The following COL8A2 variants were observed in gnomAD, a reference collection of about 807,000 sequenced individuals.
The protein encoded by COL8A2 is collagen type VIII alpha 2 chain.
Under a neutral mutation model 24.0 loss-of-function variants are expected in COL8A2, and 16 were observed. The observed-to-expected ratio is 0.67, with a 90% CI of 0.45 to 1.01. The LOEUF (loss-of-function observed/expected upper bound fraction) is 1.01, where lower values mean the gene tolerates loss of function less well. Ranked by LOEUF, COL8A2 falls within the 50% of genes least tolerant of loss-of-function variation. The pLI, the probability that COL8A2 is intolerant of heterozygous loss-of-function variation, is 0.00. For synonymous variants in COL8A2, 466 were observed against 424.5 expected (o/e 1.10, Z -1.20); for missense variants, 818 against 942.4 (o/e 0.87, Z 1.73).
rs1292770267 is a variant in COL8A2, at chr1:36,095,720, A to G, written c.*1849T>C. 1 of 152,140 alleles carries G rather than the reference A, an allele frequency of 6.6e-6. No individual in the cohort carries two copies. Among genetic ancestry groups the G allele is most frequent in the African/African-American group, 2.4e-5 (1 of 41,410 alleles). 9.4% of individuals were successfully genotyped at this position (152,140 alleles called of 1,614,324 possible). A position where few individuals can be genotyped will look rare whatever the true frequency, so the allele number is the denominator to read the frequency against. On this transcript the variant is annotated 3_prime_UTR_variant, in exon 4 of 4. Coordinates refer to ENST00000397799, the MANE Select transcript of COL8A2 (RefSeq NM_005202.4). ...ATTGGGAGCTGATTAATTTCTGCCA[A>G]TCAGAACCCATCCCTAACACATCAG...
At position 36,099,213 on chromosome 1, in the gene COL8A2, T is replaced by C; in HGVS notation, c.468A>G (p.Gly156=). The C allele has an allele frequency of 6.5e-7, 1 of 1,530,200 alleles. No homozygotes were observed. Among genetic ancestry groups the C allele is most frequent in the South Asian group, 1.2e-5 (1 of 82,768 alleles). 94.8% of individuals were successfully genotyped at this position (1,530,200 alleles called of 1,614,324 possible). A position where few individuals can be genotyped will look rare whatever the true frequency, so the allele number is the denominator to read the frequency against. Residue 156 remains glycine, a synonymous_variant, in exon 4 of 4, where the codon GGA becomes GGG. Transcript: ENST00000397799. The stretch of plus-strand genomic sequence containing the variant: ...CCGGGAGGCCAGGGGGTCCTGGGGG[T>C]CCCCGGAGGCCCTGGTCCCCTCGTA... The part of the protein sequence containing the change: ...PGIRGDQGLR[G]PPGPPGLPGP...
rs138182427 is a variant in COL8A2 at position 36,100,172 on chromosome 1, G to A, written c.71C>T (p.Pro24Leu). ...LLLVLVLGCGPRASSGGGAGG... is the reference protein window; with the variant it reads ...LLLVLVLGCGLRASSGGGAGG... ...GGCCCCGCCACCAGAGGACGCCCGC[G>A]GCCCACACCCCAGCACCAGCACCAG... The change falls in exon 3 of 4, where the codon CCG becomes CTG. Residue 24 changes from proline (P) to leucine (L), a missense_variant. Physicochemically the swap from Pro to Leu is moderately conservative, Grantham distance 98. This residue lies in a region of COL8A2 where 573 missense variants were observed against 616.8 expected (regional missense o/e 0.93). Coordinates refer to ENST00000397799, the MANE Select transcript of COL8A2 (RefSeq NM_005202.4). 101 of 1,610,262 alleles carry A rather than the reference G, an allele frequency of 6.3e-5. No homozygotes were observed. The highest frequency in any genetic ancestry group is 3.3e-4 in the Middle Eastern group (2 of 6,066).
At chr1:36,100,300 T>C (rs1214692771) in intron 2 of COL8A2, 42 bp from the exon 3 acceptor site, 1 of 1,527,390 alleles carries the variant, frequency 6.5e-7, no homozygotes, top group African/African-American at 1.4e-5. Flanking sequence ...CAGCCCTGGG[T>C]GGTTTGGCAC....
In COL8A2 at chr1:36,098,597, G is replaced by C; in HGVS notation, c.1084C>G (p.Leu362Val). 2 of 1,610,868 alleles carry C rather than the reference G, an allele frequency of 1.2e-6. No homozygotes were observed. The highest frequency in any genetic ancestry group is 2.2e-5 in the South Asian group (2 of 90,830). Reference protein sequence around the residue: ...GPQGLGGPPGLPGSAGLPGRR... With the variant: ...GPQGLGGPPGVPGSAGLPGRR... ...CCAGGAAGCCCTGCAGACCCAGGAA[G>C]TCCAGGGGGACCCCCAAGACCCTGT... The change falls in exon 4 of 4, where the codon CTT becomes GTT. Residue 362 changes from leucine (L) to valine (V), a missense_variant. By Grantham distance (32) the Leu-to-Val change is conservative. This residue lies in a region of COL8A2 where 573 missense variants were observed against 616.8 expected (regional missense o/e 0.93). Transcript: ENST00000397799.
chr1:36,097,988 C>T lies in COL8A2; in HGVS notation c.1693G>A (p.Gly565Arg). ...VLGKGGKPQFGLGELSAHATP... is the reference protein window; with the variant it reads ...VLGKGGKPQFRLGELSAHATP... Reference sequence around the variant, plus strand: ...GCATGGGCAGACAGCTCGCCCAGCCCAAACTGTGGCTTGCCCCCCTTGCCC... The same window carrying T: ...GCATGGGCAGACAGCTCGCCCAGCCTAAACTGTGGCTTGCCCCCCTTGCCC... Residue 565 changes from glycine to arginine, a missense_variant, in exon 4 of 4, where the codon GGG becomes AGG. Physicochemically the swap from Gly to Arg is moderately radical, Grantham distance 125 (BLOSUM62 -2). Around this residue, in one of 3 missense-constraint regions of COL8A2, gnomAD observed 235 missense variants for 297.3 expected, o/e 0.79. Transcript: ENST00000397799. 2 of 1,604,380 alleles carry T rather than the reference C, an allele frequency of 1.2e-6. No individual in the cohort carries two copies. Among genetic ancestry groups the T allele is most frequent in the Non-Finnish European group, 1.7e-6 (2 of 1,178,112 alleles).
Position 36,098,369 on chromosome 1 carries a change from G to A in COL8A2, c.1312C>T (p.Pro438Ser). 6 of 1,552,984 alleles carry A rather than the reference G, an allele frequency of 3.9e-6. No homozygotes were observed. The highest frequency in any genetic ancestry group is 5.2e-6 in the Non-Finnish European group (6 of 1,148,606). Residue 438 changes from proline (P) to serine (S), a missense_variant, in exon 4 of 4, where the codon CCA becomes TCA. Around this residue, in one of 3 missense-constraint regions of COL8A2, gnomAD observed 573 missense variants for 616.8 expected, o/e 0.93. Coordinates refer to ENST00000397799, the MANE Select transcript of COL8A2 (RefSeq NM_005202.4). Reference protein sequence around the residue: ...EPGFTGRPGGPGVAGALGQKG... With the variant: ...EPGFTGRPGGSGVAGALGQKG... ...TGCCCCAGGGCTCCTGCCACCCCTGGTCCTCCAGGGCGACCCGTGAAACCC... is the reference window on the plus strand; with the variant it reads ...TGCCCCAGGGCTCCTGCCACCCCTGATCCTCCAGGGCGACCCGTGAAACCC...
intron 2 of COL8A2, among the ~76,000 whole-genome samples, chr1:36,114,177 G>T (rs2124101525): frequency 6.6e-6 from 1 of 152,152 alleles, no homozygotes; most frequent in East Asian, 1.9e-4. Flanking sequence ...AAATTAGCTG[G>T]GCGTGGTAGA....
At chr1:36,108,227 A>G (rs1643789036) in intron 2 of COL8A2, among the ~76,000 whole-genome samples, 1 of 152,206 alleles carries the variant, frequency 6.6e-6, no homozygotes, top group African/African-American at 2.4e-5. Flanking sequence ...TAGGACCTCA[A>G]CTAAGAACCA....
Position 36,099,449 on chromosome 1 carries a change from C to CTCCCT in COL8A2, c.227_231dup (p.Glu78ArgfsTer161). 1 of 1,544,462 alleles carries CTCCCT rather than the reference C, an allele frequency of 6.5e-7. No individual in the cohort carries two copies. The highest frequency in any genetic ancestry group is 8.7e-7 in the Non-Finnish European group (1 of 1,150,382). On this transcript the variant is annotated frameshift_variant, in exon 4 of 4. Transcript: ENST00000397799. LOFTEE classifies it low-confidence loss of function (END_TRUNC). ...CCGGGCTTCCCAGGGGGGCCGGGCT[C>CTCCCT]TCCCTTCAGGTCCATCGGCAGCAGC...
intron 2 of COL8A2, among the ~76,000 whole-genome samples, chr1:36,104,915 G>A (rs998735911): frequency 2.6e-5 from 4 of 152,254 alleles, no homozygotes; most frequent in East Asian, 1.9e-4. Context: ...CCCATTATTC[G>A]AAGGAGGTTC....
chr1:36,116,308 T>C (rs891330031), intron 1 of COL8A2, among the ~76,000 whole-genome samples: 1 of 152,174 alleles, frequency 6.6e-6, no homozygotes, highest in African/African-American at 2.4e-5. Flanking sequence ...TGCCTGGCCC[T>C]GGATTCAAGG....
chr1:36,095,492 T>C lies in COL8A2; in HGVS notation c.*2077A>G, dbSNP rs1557735414. On this transcript the variant is annotated 3_prime_UTR_variant, in exon 4 of 4. Coordinates refer to ENST00000397799, the MANE Select transcript of COL8A2 (RefSeq NM_005202.4). Reference sequence around the variant, plus strand: ...ATCAATATAAAAATGCACAAGGTAATGTCGTTTTCATAGTTAAAATCTGAC... The same window carrying C: ...ATCAATATAAAAATGCACAAGGTAACGTCGTTTTCATAGTTAAAATCTGAC... 1 of 152,164 alleles carries C rather than the reference T, an allele frequency of 6.6e-6. No homozygotes were observed. Among genetic ancestry groups the C allele is most frequent in the Non-Finnish European group, 1.5e-5 (1 of 68,030 alleles). 9.4% of individuals were successfully genotyped at this position (152,164 alleles called of 1,614,324 possible).
At chr1:36,107,172 C>T (rs892024421) in intron 2 of COL8A2, among the ~76,000 whole-genome samples, 23 of 152,092 alleles carry the variant, frequency 1.5e-4, no homozygotes, top group African/African-American at 5.1e-4. Flanking sequence ...CGGGAGGCTG[C>T]GACGGGAGGA....
chr1:36,109,861 G>A (rs1466813409), intron 2 of COL8A2, among the ~76,000 whole-genome samples: 2 of 150,938 alleles, frequency 1.3e-5, no homozygotes, highest in African/African-American at 4.9e-5. Flanking sequence ...TTCCCAAACT[G>A]TTGGGATTAC....
intron 1 of COL8A2, among the ~76,000 whole-genome samples, chr1:36,116,818 C>A (rs1643881835): frequency 6.6e-6 from 1 of 152,192 alleles, no homozygotes; most frequent in Admixed American, 6.5e-5. Context: ...GCTTGCATTT[C>A]TCTGGAGAGC....
chr1:36,095,655 G>A lies in COL8A2; in HGVS notation c.*1914C>T, dbSNP rs1326989227. The A allele has an allele frequency of 5.3e-5, 8 of 151,814 alleles. No homozygotes were observed. Among genetic ancestry groups the A allele is most frequent in the East Asian group, 1.9e-4 (1 of 5,186 alleles). 9.4% of individuals were successfully genotyped at this position (151,814 alleles called of 1,614,324 possible). A position where few individuals can be genotyped will look rare whatever the true frequency, so the allele number is the denominator to read the frequency against. ...AGCTCAGCTCTGTGAAATAGCTCCC[G>A]TTTTTTTTCTTGGGACCCTACTTAG... On this transcript the variant is annotated 3_prime_UTR_variant, in exon 4 of 4. Transcript: ENST00000397799.
At position 36,097,381 on chromosome 1, in the gene COL8A2, C is replaced by A; in HGVS notation, c.*188G>T. On this transcript the variant is annotated 3_prime_UTR_variant, in exon 4 of 4. Transcript: ENST00000397799. ...CACAGACATTTGGGGGAAAGAAACT[C>A]AGGCCAGCCCCTTCCAGAAACAATC... The A allele has an allele frequency of 1.6e-6, 1 of 607,944 alleles. No individual in the cohort carries two copies. Among genetic ancestry groups the A allele is most frequent in the South Asian group, 2.0e-5 (1 of 50,056 alleles). 37.7% of individuals were successfully genotyped at this position (607,944 alleles called of 1,614,324 possible).
chr1:36,112,948 AGTGGCTTCCTG>A (rs1643862385), intron 2 of COL8A2, among the ~76,000 whole-genome samples: 3 of 152,320 alleles, frequency 2.0e-5, no homozygotes, highest in South Asian at 2.1e-4. Flanking sequence ...TGGATTTTCC[AGTGGCTTCCTG>A]GACAAATTCC....
rs779212973 is a variant in COL8A2, at chr1:36,098,748, G to A, written c.933C>T (p.Gly311=). The change falls in exon 4 of 4, where the codon GGC becomes GGT. Residue 311 remains glycine (G), a synonymous_variant. Transcript: ENST00000397799. ...PGTRGPPGLI[G]PTGYGMPGLP... is the part of the protein sequence containing the mutation. ...GTCCTGGCATCCCATAGCCAGTGGGGCCTATCAGCCCAGGGGGGCCCCGGG... is the reference window on the plus strand; with the variant it reads ...GTCCTGGCATCCCATAGCCAGTGGGACCTATCAGCCCAGGGGGGCCCCGGG... 3 of 1,611,500 alleles carry A rather than the reference G, an allele frequency of 1.9e-6. No individual in the cohort carries two copies. Among genetic ancestry groups the A allele is most frequent in the South Asian group, 1.1e-5 (1 of 91,030 alleles).
Sources: allele counts gnomAD v4.1 joint callset (sites outside exome capture counted in the v4.1 genomes callset), GRCh38; gene constraint gnomAD v4.1.1; regional missense constraint gnomAD v4.1.1; transcripts MANE v1.5; gene names NCBI Gene and HGNC (gene_info 2026-07-23, HGNC 2026-07-21).